Variants in GREM2 observed in about 807,000 individuals in gnomAD.
GREM2 encodes gremlin-2.
In GREM2, 11 loss-of-function variants were observed where a neutral mutation model predicts 14.2. That is an observed-to-expected ratio of 0.78 (90% CI 0.49 to 1.28). The LOEUF is 1.28. Among genes scored for constraint, GREM2 ranks in the 50% most tolerant of loss-of-function variants. GREM2 has a pLI of 0.00. For missense variants in GREM2, 210 were observed against 218.5 expected (o/e 0.96, Z 0.24); for synonymous variants, 98 against 97.6 (o/e 1.00, Z -0.02).
At chr1:240,499,873 C>G (rs1677527075) in intron 1 of GREM2, among the ~76,000 whole-genome samples, 1 of 152,332 alleles carries the variant, frequency 6.6e-6, no homozygotes, top group Non-Finnish European at 1.5e-5. Context: ...TGGTGGAGAC[C>G]TGAATATAAT....
intron 1 of GREM2, among the ~76,000 whole-genome samples, chr1:240,500,379 AG>A (rs777139185): frequency 1.3e-5 from 2 of 151,748 alleles, no homozygotes; most frequent in African/African-American, 2.4e-5. Flanking sequence ...GCTCACTGCA[AG>A]CTCCGCCTCC....
intron 1 of GREM2, among the ~76,000 whole-genome samples, chr1:240,516,442 A>G (rs1437846266): frequency 6.6e-6 from 1 of 152,094 alleles, no homozygotes; most frequent in Non-Finnish European, 1.5e-5. Flanking sequence ...TTTGTATTCT[A>G]TTGTTCCCTA....
At position 240,567,977 on chromosome 1, in the gene GREM2, A is replaced by G. The variant is rs111810405; in HGVS notation, c.-2+43907T>C. 4.6e-3 allele frequency among the ~76,000 whole-genome samples: 703 copies of G among 152,058 alleles called. 3 individuals carry two copies. The highest frequency in any genetic ancestry group is 0.016 in the African/African-American group (671 of 41,494). ...TACAAAAATTAGCCAGATGTGGTGGAGTGTGCCTATAATCCCAGCTACTTG... is the reference window on the plus strand; with the variant it reads ...TACAAAAATTAGCCAGATGTGGTGGGGTGTGCCTATAATCCCAGCTACTTG... On this transcript the variant is annotated intron_variant, in intron 1 of 1. Transcript: ENST00000318160.
chr1:240,593,355 A>G (rs1360682438), intron 1 of GREM2, among the ~76,000 whole-genome samples: 2 of 151,710 alleles, frequency 1.3e-5, no homozygotes, highest in African/African-American at 2.4e-5. Context: ...GAAGCAGCAA[A>G]GCATGGAGCT....
intron 1 of GREM2, among the ~76,000 whole-genome samples, chr1:240,603,385 C>G (rs1179078443): frequency 6.6e-6 from 1 of 152,186 alleles, no homozygotes; most frequent in Non-Finnish European, 1.5e-5. Context: ...CACATCTCCT[C>G]TTCTCTTTCT....
At chr1:240,552,049 C>T (rs1022284814) in intron 1 of GREM2, among the ~76,000 whole-genome samples, 2 of 152,150 alleles carry the variant, frequency 1.3e-5, no homozygotes, top group African/African-American at 4.8e-5. Context: ...TTCTCTTACT[C>T]TACATACTTC....
intron 1 of GREM2, among the ~76,000 whole-genome samples, chr1:240,581,077 G>A (rs936041113): frequency 2.0e-5 from 3 of 151,746 alleles, no homozygotes; most frequent in African/African-American, 4.8e-5. Context: ...TGGTGAAACC[G>A]TGTCTCTACT....
At chr1:240,520,912 C>CAAA (rs200953017) in intron 1 of GREM2, among the ~76,000 whole-genome samples, 12 of 89,108 alleles carry the variant, frequency 1.3e-4, no homozygotes, top group African/African-American at 3.9e-4. Flanking sequence ...TCTTCATGGG[C>CAAA]AAAAAAAAAA....
intron 1 of GREM2, among the ~76,000 whole-genome samples, chr1:240,497,806 T>C (rs1442943861): frequency 6.6e-6 from 1 of 152,144 alleles, no homozygotes; most frequent in Non-Finnish European, 1.5e-5. Flanking sequence ...AAGTGTCAAG[T>C]ATTGGACTCG....
rs193210436 is a variant in GREM2, at chr1:240,565,857, A to C, written c.-2+46027T>G. ...TGAGACTCTGTCTCCAAAAAAAAAA[A>C]AAAAACAAAACAAAACAGTTATTCA... On this transcript the variant is annotated intron_variant, in intron 1 of 1. Transcript: ENST00000318160. 6.0e-3 allele frequency among the ~76,000 whole-genome samples: 916 copies of C among 151,718 alleles called. 7 individuals carry two copies. Among genetic ancestry groups the C allele is most frequent in the African/African-American group, 0.021 (874 of 41,336 alleles).
At chr1:240,509,653 C>A (rs576375833) in intron 1 of GREM2, among the ~76,000 whole-genome samples, 1 of 152,136 alleles carries the variant, frequency 6.6e-6, no homozygotes, top group South Asian at 2.1e-4. Flanking sequence ...CAGGCATGAG[C>A]CACTGCACCC....
intron 1 of GREM2, among the ~76,000 whole-genome samples, chr1:240,495,135 T>C (rs1473206078): frequency 1.3e-5 from 2 of 152,226 alleles, no homozygotes; most frequent in African/African-American, 2.4e-5. Flanking sequence ...TTTTAAATTT[T>C]TGTATTTTTA....
intron 1 of GREM2, among the ~76,000 whole-genome samples, chr1:240,563,102 T>C (rs185689301): frequency 3.9e-4 from 59 of 150,350 alleles, no homozygotes; most frequent in Admixed American, 2.4e-3. Context: ...TGCGTGTATG[T>C]GTGTATGTGT....
chr1:240,511,694 G>A (rs34310376), intron 1 of GREM2, among the ~76,000 whole-genome samples: 24,159 of 152,102 alleles, frequency 0.16, 2,273 homozygotes, highest in Admixed American at 0.23. Context: ...TGGAGTTTGC[G>A]GTAAGCCGAG....
chr1:240,570,882 G>A (rs1011029099), intron 1 of GREM2, among the ~76,000 whole-genome samples: 1 of 152,166 alleles, frequency 6.6e-6, no homozygotes, highest in Non-Finnish European at 1.5e-5. Context: ...ACTGAGCTTA[G>A]TGCTGCTTAC....
At chr1:240,592,213 C>T (rs150697308) in intron 1 of GREM2, among the ~76,000 whole-genome samples, 18 of 152,222 alleles carry the variant, frequency 1.2e-4, no homozygotes, top group African/African-American at 4.3e-4. Context: ...CTAATTAGCA[C>T]ATCTCATGAT....
At chr1:240,603,876 C>T (rs1679976030) in intron 1 of GREM2, among the ~76,000 whole-genome samples, 1 of 151,384 alleles carries the variant, frequency 6.6e-6, no homozygotes, top group Non-Finnish European at 1.5e-5. Flanking sequence ...ATTTGCACTG[C>T]TATCATGGAA....
Position 240,490,374 on chromosome 1 carries a change from T to C in GREM2, c.*2595A>G, listed in dbSNP as rs1490600426. 1 of 152,588 alleles carries C rather than the reference T, an allele frequency of 6.6e-6. No individual in the cohort carries two copies. Among genetic ancestry groups the C allele is most frequent in the Non-Finnish European group, 1.5e-5 (1 of 68,044 alleles). The allele number at this position is 152,588 out of a possible 1,614,324, so 9.5% of individuals were successfully genotyped here. ...AGACCCCAAAGGAGATCATGTGACA[T>C]AAGCTAGAGGTTGAACTCACCATGG... On this transcript the variant is annotated 3_prime_UTR_variant, in exon 2 of 2. Coordinates refer to ENST00000318160, the MANE Select transcript of GREM2 (RefSeq NM_022469.4).
chr1:240,553,161 C>A (rs7411138), intron 1 of GREM2, among the ~76,000 whole-genome samples: 23,809 of 152,100 alleles, frequency 0.16, 2,660 homozygotes, highest in African/African-American at 0.31. Flanking sequence ...GACAGCTGGT[C>A]TTTTCAGACA....
Sources: allele counts gnomAD v4.1 joint callset (sites outside exome capture counted in the v4.1 genomes callset), GRCh38; gene constraint gnomAD v4.1.1; transcripts MANE v1.5; gene names NCBI Gene and HGNC (gene_info 2026-07-23, HGNC 2026-07-21).